KCTD8: variants seen among roughly 807,000 people sequenced by gnomAD.
KCTD8 encodes the protein BTB/POZ domain-containing protein KCTD8.
In KCTD8, 27 loss-of-function variants were observed where a neutral mutation model predicts 31.5. The ratio of observed to expected loss-of-function variants is 0.86; its 90% CI spans 0.63 to 1.18. The LOEUF (loss-of-function observed/expected upper bound fraction) is 1.18. KCTD8 is among the 50% of genes most tolerant of loss of function. KCTD8 has a pLI of 0.00. For missense variants in KCTD8, 658 were observed against 647.7 expected (o/e 1.02, Z -0.17); for synonymous variants, 290 against 280.0 (o/e 1.04, Z -0.36).
At chr4:44,394,006 G>C (rs928957859) in intron 1 of KCTD8, among the ~76,000 whole-genome samples, 11 of 151,868 alleles carry the variant, frequency 7.2e-5, no homozygotes, top group African/African-American at 2.4e-4. Flanking sequence ...TAGAGTTCAA[G>C]AGAATATAAT....
intron 1 of KCTD8, among the ~76,000 whole-genome samples, chr4:44,338,936 T>C (rs1184539105): frequency 6.6e-6 from 1 of 152,080 alleles, no homozygotes. Context: ...GAGAAAAAGA[T>C]TAGGCCTTTT....
At chr4:44,254,179 A>G (rs943930109) in intron 1 of KCTD8, among the ~76,000 whole-genome samples, 24 of 151,914 alleles carry the variant, frequency 1.6e-4, no homozygotes, top group African/African-American at 5.8e-4. Flanking sequence ...TCAGAGAGAG[A>G]TTAGTTAAAA....
intron 1 of KCTD8, among the ~76,000 whole-genome samples, chr4:44,188,833 GA>G (rs1713673543): frequency 6.6e-6 from 1 of 152,092 alleles, no homozygotes; most frequent in South Asian, 2.1e-4. Flanking sequence ...TTTTTCCCTA[GA>G]ACTTCTCGAG....
chr4:44,259,994 T>C (rs1045974938), intron 1 of KCTD8, among the ~76,000 whole-genome samples: 2 of 151,922 alleles, frequency 1.3e-5, no homozygotes, highest in Non-Finnish European at 2.9e-5. Flanking sequence ...TTTTTACATA[T>C]AATTCTGCTT....
At chr4:44,281,860 AT>A (rs1382760305) in intron 1 of KCTD8, among the ~76,000 whole-genome samples, 1 of 152,078 alleles carries the variant, frequency 6.6e-6, no homozygotes, top group Non-Finnish European at 1.5e-5. Flanking sequence ...TGTATTCCCT[AT>A]CCATGTAATG....
Position 44,358,694 on chromosome 4 carries a change from G to A in KCTD8, c.961+88869C>T, listed in dbSNP as rs548739081. On this transcript the variant is annotated intron_variant, in intron 1 of 1. Transcript: ENST00000360029. ...TGCCATTCTCCTGCCTCAGCCTCCC[G>A]AGTAGCTGGGACTACAGGTGCCCAC... Among the ~76,000 whole-genome samples the A allele has an allele frequency of 5.9e-5, 9 of 151,768 alleles. No homozygotes were observed. In the South Asian group the frequency reaches 6.3e-4, roughly 11 times the overall value.
At chr4:44,315,592 T>C (rs1378710945) in intron 1 of KCTD8, among the ~76,000 whole-genome samples, 2 of 152,146 alleles carry the variant, frequency 1.3e-5, no homozygotes, top group East Asian at 3.9e-4. Flanking sequence ...AGTAGGGTAG[T>C]ATCTTTTTAT....
chr4:44,187,404 G>A (rs1204988636), intron 1 of KCTD8, among the ~76,000 whole-genome samples: 2 of 151,970 alleles, frequency 1.3e-5, no homozygotes, highest in Non-Finnish European at 2.9e-5. Context: ...CACCCTTCTC[G>A]TGCTTAAATC....
At chr4:44,338,869 T>A (rs753637420) in intron 1 of KCTD8, among the ~76,000 whole-genome samples, 1 of 152,096 alleles carries the variant, frequency 6.6e-6, no homozygotes, top group Non-Finnish European at 1.5e-5. Flanking sequence ...GCGATTTTAA[T>A]AGAAAAAAGC....
rs137999624 is a variant in KCTD8, at chr4:44,431,339, C to T, written c.961+16224G>A. 9.5e-4 allele frequency among the ~76,000 whole-genome samples: 144 copies of T among 151,572 alleles called. 1 individual carries two copies. The highest frequency in any genetic ancestry group is 3.4e-3 in the African/African-American group (140 of 41,470). On this transcript the variant is annotated intron_variant, in intron 1 of 1. Coordinates refer to ENST00000360029, the MANE Select transcript of KCTD8 (RefSeq NM_198353.3). ...TTGTTACAATCCACTCCCTTCATGTCTTCTCTTGTCTCAGTATCTTTAATA... is the reference window on the plus strand; with the variant it reads ...TTGTTACAATCCACTCCCTTCATGTTTTCTCTTGTCTCAGTATCTTTAATA...
chr4:44,272,714 T>C (rs1296801632), intron 1 of KCTD8, among the ~76,000 whole-genome samples: 1 of 152,024 alleles, frequency 6.6e-6, no homozygotes, highest in East Asian at 1.9e-4. Context: ...TTTATGTTAG[T>C]CATGAATCAG....
At chr4:44,285,799 T>G (rs1717047658) in intron 1 of KCTD8, among the ~76,000 whole-genome samples, 1 of 152,098 alleles carries the variant, frequency 6.6e-6, no homozygotes, top group South Asian at 2.1e-4. Context: ...TTCATAAGAT[T>G]AACGGCTGCT....
chr4:44,397,359 T>C (rs1320616207), intron 1 of KCTD8, among the ~76,000 whole-genome samples: 1 of 152,192 alleles, frequency 6.6e-6, no homozygotes, highest in Non-Finnish European at 1.5e-5. Flanking sequence ...TACATTATGT[T>C]TATATGTATA....
chr4:44,354,976 C>T (rs2109426767), intron 1 of KCTD8, among the ~76,000 whole-genome samples: 1 of 152,164 alleles, frequency 6.6e-6, no homozygotes, highest in East Asian at 1.9e-4. Context: ...AATAAATGCA[C>T]AATAATTGGG....
At chr4:44,300,471 C>A (rs1717577703) in intron 1 of KCTD8, among the ~76,000 whole-genome samples, 1 of 146,412 alleles carries the variant, frequency 6.8e-6, no homozygotes, top group African/African-American at 2.5e-5. Flanking sequence ...GCAATCTGAT[C>A]AGAAAAAAAG....
intron 1 of KCTD8, among the ~76,000 whole-genome samples, chr4:44,357,877 A>G (rs1414716751): frequency 6.6e-6 from 1 of 151,614 alleles, no homozygotes; most frequent in Non-Finnish European, 1.5e-5. Context: ...CTCTCTAAAC[A>G]TAAATATTCT....
In KCTD8 at chr4:44,448,678, A is replaced by AGCGGCG. The variant is rs111525752; in HGVS notation, c.-161_-156dup. On this transcript the variant is annotated 5_prime_UTR_variant, in exon 1 of 2. Coordinates refer to ENST00000360029, the MANE Select transcript of KCTD8 (RefSeq NM_198353.3). The surrounding 1 kb of genome is among the most constrained non-coding windows in gnomAD (Gnocchi z 4.1). The stretch of plus-strand genomic sequence containing the variant: ...GGCGGCCCCGCTCAGGGTTCGGGGC[A>AGCGGCG]GCGGCGGCGTCGGCGGCGCCCGAGC... 4 of 757,414 alleles carry AGCGGCG rather than the reference A, an allele frequency of 5.3e-6. No individual in the cohort carries two copies. Among genetic ancestry groups the AGCGGCG allele is most frequent in the Non-Finnish European group, 7.2e-6 (4 of 554,620 alleles). The allele number at this position is 757,414 out of a possible 1,614,324, so 46.9% of individuals were successfully genotyped here.
chr4:44,423,623 A>C (rs1031349020), intron 1 of KCTD8, among the ~76,000 whole-genome samples: 18 of 152,120 alleles, frequency 1.2e-4, no homozygotes, highest in African/African-American at 3.9e-4. Flanking sequence ...CAGAATTCTA[A>C]AGACAAATGG....
intron 1 of KCTD8, among the ~76,000 whole-genome samples, chr4:44,390,729 A>G (rs1723232023): frequency 6.6e-6 from 1 of 151,962 alleles, no homozygotes. Context: ...TAATTCAAAA[A>G]ATAACAGATG....
Sources: gnomAD v4.1 joint callset for allele counts (sites outside exome capture counted in the v4.1 genomes callset) on GRCh38, gnomAD v4.1.1 for gene constraint, Gnocchi (gnomAD v3.1) non-coding constraint, MANE v1.5 for transcripts, NCBI Gene and HGNC (gene_info 2026-07-23, HGNC 2026-07-21) for gene names.